The following TBC1D9 variants were observed in gnomAD, a reference collection of about 807,000 sequenced individuals.
TBC1D9 encodes TBC1 domain family member 9A.
In TBC1D9, 63 loss-of-function variants were observed where a neutral mutation model predicts 132.0. The ratio of observed to expected loss-of-function variants is 0.48; its 90% CI spans 0.39 to 0.59. The LOEUF is 0.59. Ranked by LOEUF, TBC1D9 falls within the 20% of genes least tolerant of loss-of-function variation. The pLI is 0.00. For missense variants in TBC1D9, 1,261 were observed against 1,592.7 expected, an observed-to-expected ratio of 0.79 and a Z score of 3.54; for synonymous variants, 610 against 609.9, an observed-to-expected ratio of 1.00 and a Z score of 0.00.
At chr4:140,690,205 T>C (rs1005107585) in intron 2 of TBC1D9, among the ~76,000 whole-genome samples, 2 of 152,084 alleles carry the variant, frequency 1.3e-5, no homozygotes, top group Non-Finnish European at 2.9e-5. Flanking sequence ...ACAGGCTAAT[T>C]GTCTTTCCCA....
At chr4:140,673,570 C>T (rs1560881051) in intron 6 of TBC1D9, among the ~76,000 whole-genome samples, 1 of 152,138 alleles carries the variant, frequency 6.6e-6, no homozygotes, top group East Asian at 1.9e-4. Flanking sequence ...TCTTTTGCTT[C>T]TTCCATTAGT....
chr4:140,642,465 G>GC lies in TBC1D9; in HGVS notation c.2338-3038dup, dbSNP rs1192632593. 2.1e-5 allele frequency: 20 copies of GC among 940,622 alleles called. No individual in the cohort carries two copies. The East Asian group carries it at 4.6e-4, about 22-fold the overall frequency. 58.3% of individuals were successfully genotyped at this position (940,622 alleles called of 1,614,324 possible). A position where few individuals can be genotyped will look rare whatever the true frequency, so the allele number is the denominator to read the frequency against. ...CATAAGGAGTTAAGTACTTGCTGCAGCCCCTGCCAGTTTTTGATTTCCCCC... is the reference window on the plus strand; with the variant it reads ...CATAAGGAGTTAAGTACTTGCTGCAGCCCCCTGCCAGTTTTTGATTTCCCCC... On this transcript the variant is annotated intron_variant, in intron 13 of 20. Coordinates refer to ENST00000442267, the MANE Select transcript of TBC1D9 (RefSeq NM_015130.3).
At chr4:140,696,615 C>T (rs2111035129) in intron 2 of TBC1D9, among the ~76,000 whole-genome samples, 1 of 152,248 alleles carries the variant, frequency 6.6e-6, no homozygotes, top group South Asian at 2.1e-4. Context: ...AAACAGTCCT[C>T]CTGCCTGATT....
intron 1 of TBC1D9, among the ~76,000 whole-genome samples, chr4:140,738,272 CCAAA>C (rs1257616389): frequency 3.3e-5 from 5 of 152,130 alleles, no homozygotes; most frequent in African/African-American, 1.2e-4. Flanking sequence ...CCTTTTGTTC[CCAAA>C]CAGATAGCTG....
chr4:140,641,077 T>C (rs1736981058), intron 13 of TBC1D9, among the ~76,000 whole-genome samples: 1 of 49,954 alleles, frequency 2.0e-5, no homozygotes, highest in Non-Finnish European at 3.8e-5. Context: ...AATCTTACAA[T>C]CATAATACTA....
rs192717844 is a variant in TBC1D9 at position 140,706,709 on chromosome 4, T to A, written c.131-5095A>T. Among the ~76,000 whole-genome samples, 2 of 152,340 alleles carry A rather than the reference T, an allele frequency of 1.3e-5. No homozygotes were observed. The highest frequency in any genetic ancestry group is 1.3e-4 in the Admixed American group (2 of 15,300). On this transcript the variant is annotated intron_variant, in intron 1 of 20. Transcript: ENST00000442267. This position sits in a 1 kb window ranked among gnomAD's most constrained non-coding sequence, Gnocchi z 4.0. Reference sequence around the variant, plus strand: ...TACTTTTACTGAGCCATGTTTTTCATATAAAAAATTTAAAACTGATGAGTA... The same window carrying A: ...TACTTTTACTGAGCCATGTTTTTCAAATAAAAAATTTAAAACTGATGAGTA...
chr4:140,645,201 G>A, intron 13 of TBC1D9: 1 of 540,728 alleles, frequency 1.8e-6, no homozygotes, highest in Non-Finnish European at 3.7e-6. Context: ...GTCCAGCCAG[G>A]CCCCCAGCAG....
chr4:140,704,215 T>C (rs1174980660), intron 1 of TBC1D9, among the ~76,000 whole-genome samples: 1 of 151,828 alleles, frequency 6.6e-6, no homozygotes, highest in African/African-American at 2.4e-5. Context: ...CTGGCCAACA[T>C]GGTGAACACC....
rs1278044190 is a variant in TBC1D9 at position 140,621,565 on chromosome 4, A to G, written c.*630T>C. 2.0e-5 allele frequency: 3 copies of G among 152,242 alleles called. No homozygotes were observed. The highest frequency in any genetic ancestry group is 7.2e-5 in the African/African-American group (3 of 41,464). The allele number at this position is 152,242 out of a possible 1,614,324, so 9.4% of individuals were successfully genotyped here. ...TGGTCAATACAAGTGTTATTCTGGA[A>G]TCATGTAAAAATCACTTACTTTCAT... On this transcript the variant is annotated 3_prime_UTR_variant, in exon 21 of 21. Coordinates refer to ENST00000442267, the MANE Select transcript of TBC1D9 (RefSeq NM_015130.3).
chr4:140,750,491 C>T (rs1738907489), intron 1 of TBC1D9, among the ~76,000 whole-genome samples: 1 of 150,794 alleles, frequency 6.6e-6, no homozygotes, highest in Non-Finnish European at 1.5e-5. Context: ...TTTCTACATC[C>T]CAGTAAAAAA....
Position 140,662,778 on chromosome 4 carries a change from A to G in TBC1D9, c.1589-671T>C, listed in dbSNP as rs371394747. 1.4e-3 allele frequency among the ~76,000 whole-genome samples: 218 copies of G among 152,328 alleles called. 1 individual carries two copies. The highest frequency in any genetic ancestry group is 4.1e-3 in the African/African-American group (171 of 41,568). Reference sequence around the variant, plus strand: ...TACAGTTTAGGATTCTTCAAGACAGAAAAACCCTATATGCAAGTATCTACC... The same window carrying G: ...TACAGTTTAGGATTCTTCAAGACAGGAAAACCCTATATGCAAGTATCTACC... On this transcript the variant is annotated intron_variant, in intron 9 of 20. Coordinates refer to ENST00000442267, the MANE Select transcript of TBC1D9 (RefSeq NM_015130.3).
chr4:140,670,989 G>T, intron 6 of TBC1D9, 63 bp from the exon 7 acceptor site: 1 of 1,428,526 alleles, frequency 7.0e-7, no homozygotes, highest in Non-Finnish European at 9.8e-7. Context: ...CAGCCTATAT[G>T]CAGCACTAAA....
chr4:140,729,818 CAAAAA>C (rs35283552), intron 1 of TBC1D9, among the ~76,000 whole-genome samples: 17 of 51,904 alleles, frequency 3.3e-4, no homozygotes, highest in African/African-American at 1.1e-3. Flanking sequence ...GATTCCATCT[CAAAAA>C]AAAAAAAAAA....
chr4:140,646,550 T>C (rs2110985787), intron 13 of TBC1D9, among the ~76,000 whole-genome samples: 1 of 152,342 alleles, frequency 6.6e-6, no homozygotes, highest in South Asian at 2.1e-4. Context: ...CACCACTCTA[T>C]AGATCAGTCT....
At position 140,678,916 on chromosome 4, in the gene TBC1D9, GAAGATAC is replaced by G; in HGVS notation, c.851+19_851+25del. 1.2e-6 allele frequency: 2 copies of G among 1,607,474 alleles called. No homozygotes were observed. Among genetic ancestry groups the G allele is most frequent in the African/African-American group, 2.7e-5 (2 of 74,712 alleles). On this transcript the variant is annotated intron_variant, in intron 5 of 20. Coordinates refer to ENST00000442267, the MANE Select transcript of TBC1D9 (RefSeq NM_015130.3). ...GTGAGTTTCTCATTTCTAAAGTCTG[GAAGATAC>G]AAGGTCTCTATCACCCACCGTTTTA...
intron 13 of TBC1D9, among the ~76,000 whole-genome samples, chr4:140,656,462 C>T (rs1010274477): frequency 8.5e-5 from 13 of 152,162 alleles, no homozygotes; most frequent in African/African-American, 1.4e-4. Context: ...AATCTTCCTG[C>T]GCCCAGCTAT....
At chr4:140,649,410 C>CA (rs1737151920) in intron 13 of TBC1D9, among the ~76,000 whole-genome samples, 1 of 152,202 alleles carries the variant, frequency 6.6e-6, no homozygotes, top group Non-Finnish European at 1.5e-5. Flanking sequence ...CTACTGTTAG[C>CA]AGAAGGCTGA....
intron 2 of TBC1D9, among the ~76,000 whole-genome samples, chr4:140,701,258 CAG>C (rs1219564712): frequency 6.6e-6 from 1 of 152,158 alleles, no homozygotes; most frequent in African/African-American, 2.4e-5. Flanking sequence ...CCTTGTGTTC[CAG>C]AGAGTGTCAC....
intron 1 of TBC1D9, among the ~76,000 whole-genome samples, chr4:140,746,850 C>A (rs1425601947): frequency 6.6e-6 from 1 of 151,980 alleles, no homozygotes; most frequent in East Asian, 1.9e-4. Flanking sequence ...GGGGACACAG[C>A]CAAAGCATAT....
Sources: gnomAD v4.1 joint callset for allele counts (sites outside exome capture counted in the v4.1 genomes callset) on GRCh38, gnomAD v4.1.1 for gene constraint, Gnocchi (gnomAD v3.1) non-coding constraint, MANE v1.5 for transcripts, NCBI Gene and HGNC (gene_info 2026-07-23, HGNC 2026-07-21) for gene names.